The following PTPRD variants were observed in gnomAD, a reference collection of about 807,000 sequenced individuals.
PTPRD encodes receptor-type tyrosine-protein phosphatase delta.
PTPRD carries 34 observed loss-of-function variants against 214.5 expected under a neutral mutation model. That is an observed-to-expected ratio of 0.16 (90% confidence interval 0.12 to 0.21). PTPRD has a LOEUF of 0.21. Among genes scored for constraint, PTPRD ranks in the 10% least tolerant of loss-of-function variants. The pLI, the probability that PTPRD is intolerant of heterozygous loss-of-function variation, is 1.00. For missense variants in PTPRD, 2,545 were observed against 2,398.7 expected (o/e 1.06, Z -1.27); for synonymous variants, 1,128 against 845.7 (o/e 1.33, Z -5.79).
intron 11 of PTPRD, among the ~76,000 whole-genome samples, chr9:8,913,333 A>G (rs2098761043): frequency 6.6e-6 from 1 of 152,110 alleles, no homozygotes; most frequent in East Asian, 1.9e-4. Flanking sequence ...TATTTTTAGA[A>G]TCCGCCTTTG....
chr9:10,587,095 T>C (rs1424632577), intron 2 of PTPRD, among the ~76,000 whole-genome samples: 1 of 152,076 alleles, frequency 6.6e-6, no homozygotes, highest in Non-Finnish European at 1.5e-5. Context: ...TGAGGTGTTA[T>C]TACATGGATA....
At chr9:9,282,953 T>A (rs1569567051) in intron 9 of PTPRD, among the ~76,000 whole-genome samples, 1 of 151,432 alleles carries the variant, frequency 6.6e-6, no homozygotes, top group Non-Finnish European at 1.5e-5. Context: ...ATTCCAAATC[T>A]AGGTATGAAG....
chr9:8,702,076 G>T (rs1382331389), intron 12 of PTPRD, among the ~76,000 whole-genome samples: 2 of 151,990 alleles, frequency 1.3e-5, no homozygotes, highest in East Asian at 3.9e-4. Flanking sequence ...CAATTACTTT[G>T]TGTCACTTTA....
chr9:8,778,901 G>A (rs117334234), intron 11 of PTPRD, among the ~76,000 whole-genome samples: 181 of 152,222 alleles, frequency 1.2e-3, no homozygotes, highest in Non-Finnish European at 2.3e-3. Context: ...TCAACACATG[G>A]TAAAAGGTGT....
intron 14 of PTPRD, among the ~76,000 whole-genome samples, chr9:8,535,586 G>A (rs1273225490): frequency 1.3e-5 from 2 of 151,844 alleles, no homozygotes; most frequent in African/African-American, 2.4e-5. Context: ...ATCATGGCAG[G>A]CATTTTTCTT....
intron 11 of PTPRD, among the ~76,000 whole-genome samples, chr9:8,791,523 C>CTTTTTT (rs34501354): frequency 2.3e-5 from 2 of 86,694 alleles, no homozygotes; most frequent in Non-Finnish European, 4.5e-5. Context: ...CATGCCCAGA[C>CTTTTTT]TTTTTTTTTT....
intron 12 of PTPRD, among the ~76,000 whole-genome samples, chr9:8,725,229 G>T (rs1414407309): frequency 1.3e-5 from 2 of 152,146 alleles, no homozygotes; most frequent in Non-Finnish European, 2.9e-5. Flanking sequence ...GAGCCACTTG[G>T]CTGCTTATTT....
At chr9:8,673,018 C>T (rs907652740) in intron 12 of PTPRD, among the ~76,000 whole-genome samples, 1 of 151,992 alleles carries the variant, frequency 6.6e-6, no homozygotes, top group Non-Finnish European at 1.5e-5. Flanking sequence ...TTAAAATGAG[C>T]TTATCAAACC....
At chr9:9,502,045 C>A (rs962807344) in intron 8 of PTPRD, among the ~76,000 whole-genome samples, 2 of 151,750 alleles carry the variant, frequency 1.3e-5, no homozygotes, top group Admixed American at 6.6e-5. Context: ...CCCATGAAAC[C>A]ACTACCACAA....
chr9:9,505,031 G>C (rs1012573478), intron 8 of PTPRD, among the ~76,000 whole-genome samples: 1 of 151,548 alleles, frequency 6.6e-6, no homozygotes, highest in Non-Finnish European at 1.5e-5. Flanking sequence ...TAGTAGTCAA[G>C]GACACTTCCT....
At position 9,722,640 on chromosome 9, in the gene PTPRD, C is replaced by T. The variant is rs186264519; in HGVS notation, c.-287+11893G>A. Among the ~76,000 whole-genome samples, 37 of 152,132 alleles carry T rather than the reference C, an allele frequency of 2.4e-4. No homozygotes were observed. In the East Asian group the frequency reaches 4.8e-3, roughly 20 times the overall value. ...CTGTGTTTAATCATTTGAAGAACTG[C>T]TAAACTACATCTGAAGTGTCTGCAT... is the stretch of plus-strand genomic sequence containing the variant. On this transcript the variant is annotated intron_variant, in intron 7 of 45. Transcript: ENST00000381196.
chr9:8,389,739 G>A (rs1300037823), intron 36 of PTPRD, among the ~76,000 whole-genome samples: 1 of 152,048 alleles, frequency 6.6e-6, no homozygotes, highest in Non-Finnish European at 1.5e-5. Flanking sequence ...AAACAATCTG[G>A]TAACATTCCT....
In PTPRD at chr9:8,910,137, C is replaced by T. The variant is rs1566951609; in HGVS notation, c.-104+108560G>A. ...CACTGCAAGCTCTGCCACCCAGGTT[C>T]ACACCCTTCTCCTGCCCCAGCCTCC... On this transcript the variant is annotated intron_variant, in intron 11 of 45. Transcript: ENST00000381196. Among the ~76,000 whole-genome samples, 4 of 152,130 alleles carry T rather than the reference C, an allele frequency of 2.6e-5. No individual in the cohort carries two copies. The South Asian group carries it at 8.3e-4, about 32-fold the overall frequency.
chr9:9,575,641 AC>A (rs1451076167), intron 7 of PTPRD, among the ~76,000 whole-genome samples: 1 of 143,170 alleles, frequency 7.0e-6, no homozygotes, highest in Non-Finnish European at 1.5e-5. Flanking sequence ...AATCACTGGA[AC>A]CCGGGAGGTG....
intron 6 of PTPRD, among the ~76,000 whole-genome samples, chr9:9,758,817 AG>A (rs922003776): frequency 1.6e-4 from 24 of 148,576 alleles, no homozygotes; most frequent in African/African-American, 5.5e-4. Context: ...TCTTGTGTAC[AG>A]GCAAGGGGAA....
intron 3 of PTPRD, among the ~76,000 whole-genome samples, chr9:10,315,892 A>G (rs1004085312): frequency 4.6e-5 from 7 of 151,940 alleles, no homozygotes; most frequent in East Asian, 1.9e-4. Flanking sequence ...AGTCTTTCTC[A>G]TGAAAGTTTC....
At chr9:8,501,459 G>A (rs927233836) in intron 23 of PTPRD, among the ~76,000 whole-genome samples, 4 of 152,266 alleles carry the variant, frequency 2.6e-5, no homozygotes, top group Admixed American at 6.5e-5. Flanking sequence ...TTGAGGGTCT[G>A]ATGATGCCTC....
At chr9:8,877,829 G>A (rs1336639051) in intron 11 of PTPRD, among the ~76,000 whole-genome samples, 1 of 152,080 alleles carries the variant, frequency 6.6e-6, no homozygotes, top group East Asian at 1.9e-4. Flanking sequence ...AAGTGTCTGA[G>A]GCTCTTCTCA....
chr9:8,568,321 C>T (rs1398724129), intron 14 of PTPRD, among the ~76,000 whole-genome samples: 1 of 151,962 alleles, frequency 6.6e-6, no homozygotes, highest in Admixed American at 6.6e-5. Context: ...GCAGATTCCT[C>T]CCTCCCTCCC....
Sources: allele counts gnomAD v4.1 joint callset (sites outside exome capture counted in the v4.1 genomes callset), GRCh38; gene constraint gnomAD v4.1.1; transcripts MANE v1.5; gene names NCBI Gene and HGNC (gene_info 2026-07-23, HGNC 2026-07-21).